FGFRL1: variants seen among roughly 807,000 people sequenced by gnomAD.
FGFRL1 encodes the protein fibroblast growth factor receptor like 1.
Under a neutral mutation model 36.8 loss-of-function variants are expected in FGFRL1, and 24 were observed. That is an observed-to-expected ratio of 0.65 (90% CI 0.47 to 0.92). The LOEUF (loss-of-function observed/expected upper bound fraction) is 0.92, where lower values mean the gene tolerates loss of function less well. Among genes scored for constraint, FGFRL1 ranks in the 40% least tolerant of loss-of-function variants. The probability of loss-of-function intolerance (pLI) is 0.00; values close to 1 mark genes in which losing one functional copy is unlikely to be tolerated. For missense variants in FGFRL1, 785 were observed against 753.4 expected (o/e 1.04, Z -0.49); for synonymous variants, 422 against 344.1 (o/e 1.23, Z -2.50).
chr4:1,011,319 C>T (rs887362804), upstream of FGFRL1: 47 of 150,052 alleles, frequency 3.1e-4, no homozygotes, highest in Non-Finnish European at 5.8e-4. Flanking sequence ...CGCGGCGGCT[C>T]CTGGCCGGTC....
chr4:1,023,571 C>G lies in FGFRL1; in HGVS notation c.353-70C>G. On this transcript the variant is annotated intron_variant, in intron 3 of 6. Transcript: ENST00000510644. The surrounding 1 kb of genome is among the most constrained non-coding windows in gnomAD (Gnocchi z 6.0). ...CTGGGGCTGGGGGAGCTAGAGGCCA[C>G]GGGGGAGTTGGGGGAGCTCCTCAGG... 7.0e-7 allele frequency: 1 copy of G among 1,430,614 alleles called. No individual in the cohort carries two copies. Among genetic ancestry groups the G allele is most frequent in the Non-Finnish European group, 9.6e-7 (1 of 1,039,570 alleles). The allele number at this position is 1,430,614 out of a possible 1,614,324, so 88.6% of individuals were successfully genotyped here.
In FGFRL1 at chr4:1,025,693, T is replaced by TACACACGC; in HGVS notation, c.*351_*358dup. The stretch of plus-strand genomic sequence containing the variant: ...CATACAAGGACATGCTGCCTGAACA[T>TACACACGC]ACACACGCACACCCATGCGCAGATG... On this transcript the variant is annotated 3_prime_UTR_variant, in exon 7 of 7. Transcript: ENST00000510644. 2.6e-6 allele frequency: 1 copy of TACACACGC among 384,430 alleles called. No individual in the cohort carries two copies. The highest frequency in any genetic ancestry group is 4.8e-6 in the Non-Finnish European group (1 of 208,608). 23.8% of individuals were successfully genotyped at this position (384,430 alleles called of 1,614,324 possible).
rs1231384223 is a variant in FGFRL1, at chr4:1,026,361, T to C, written c.*1014T>C. On this transcript the variant is annotated 3_prime_UTR_variant, in exon 7 of 7. Transcript: ENST00000510644. ...TGTGCCGTGAAGCCTGCAGTACGTGTGCCGTGAGGCTCATAGTTGATGAGG... is the reference window on the plus strand; with the variant it reads ...TGTGCCGTGAAGCCTGCAGTACGTGCGCCGTGAGGCTCATAGTTGATGAGG... The C allele has an allele frequency of 6.8e-6, 1 of 145,990 alleles. No individual in the cohort carries two copies. The highest frequency in any genetic ancestry group is 2.5e-5 in the African/African-American group (1 of 40,144). 9.0% of individuals were successfully genotyped at this position (145,990 alleles called of 1,614,324 possible).
At position 1,026,760 on chromosome 4, in the gene FGFRL1, ACCCCGTCCAGGCCAGACACCACC is replaced by A. The variant is rs750774797; in HGVS notation, c.*1418_*1440del. On this transcript the variant is annotated 3_prime_UTR_variant, in exon 7 of 7. Coordinates refer to ENST00000510644, the MANE Select transcript of FGFRL1 (RefSeq NM_001004356.3). The stretch of plus-strand genomic sequence containing the variant: ...GTCTTTCAGCCATGCTGATGACCAC[ACCCCGTCCAGGCCAGACACCACC>A]CCCCACCCCACTGTCGTGGTGGCCC... 6 of 442,438 alleles carry A rather than the reference ACCCCGTCCAGGCCAGACACCACC, an allele frequency of 1.4e-5. No individual in the cohort carries two copies. The highest frequency in any genetic ancestry group is 9.7e-5 in the South Asian group (6 of 62,016). 27.4% of individuals were successfully genotyped at this position (442,438 alleles called of 1,614,324 possible).
Position 1,025,180 on chromosome 4 carries a change from C to T in FGFRL1, c.1348C>T (p.His450Tyr), listed in dbSNP as rs756840934. 26 of 1,610,324 alleles carry T rather than the reference C, an allele frequency of 1.6e-5. No homozygotes were observed. In the South Asian group the frequency reaches 2.6e-4, roughly 16 times the overall value. ...CCCTGGTGTGGGGCTGTGTGAGGAG[C>T]ATGGGTCTCCGGCAGCCCCCCAGCA... ...AGPGVGLCEE[H>Y]GSPAAPQHLL... Residue 450 changes from histidine to tyrosine, a missense_variant, in exon 7 of 7, where the codon CAT (histidine) becomes TAT (tyrosine). Transcript: ENST00000510644.
In FGFRL1 at chr4:1,022,326, G is replaced by T. The variant is rs769847502; in HGVS notation, c.203G>T (p.Arg68Leu). ...PPLTMWTKDG[R>L]TIHSGWSRFR... The stretch of plus-strand genomic sequence containing the variant: ...CTGACCATGTGGACCAAGGATGGCC[G>T]CACCATCCACAGCGGCTGGAGCCGC... Residue 68 changes from arginine (R) to leucine (L), a missense_variant, in exon 3 of 7, where the codon CGC becomes CTC. Arg to Leu is a moderately radical substitution (Grantham distance 102). Coordinates refer to ENST00000510644, the MANE Select transcript of FGFRL1 (RefSeq NM_001004356.3). The T allele has an allele frequency of 6.2e-7, 1 of 1,600,624 alleles. No individual in the cohort carries two copies. The highest frequency in any genetic ancestry group is 8.5e-7 in the Non-Finnish European group (1 of 1,174,680).
intron 3 of FGFRL1, 110 bp downstream of exon 3, chr4:1,022,585 C>T: frequency 7.2e-7 from 1 of 1,382,084 alleles, no homozygotes; most frequent in East Asian, 2.5e-5. Flanking sequence ...CAGCCCCCGG[C>T]AGAAAGCCTT....
rs537594500 is a variant in FGFRL1, at chr4:1,017,834, A to G, written c.80-4369A>G. On this transcript the variant is annotated intron_variant, in intron 2 of 6. Coordinates refer to ENST00000510644, the MANE Select transcript of FGFRL1 (RefSeq NM_001004356.3). ...GAGGAGCCACCTGGCCACAGGAGGG[A>G]AGCCGGGCAGCCCCAGCCCTGCATC... Among the ~76,000 whole-genome samples, 139 of 152,206 alleles carry G rather than the reference A, an allele frequency of 9.1e-4. 1 individual carries two copies. The highest frequency in any genetic ancestry group is 3.2e-3 in the African/African-American group (132 of 41,520).
chr4:1,013,858 C>T (rs1451747956), intron 2 of FGFRL1, among the ~76,000 whole-genome samples: 1 of 152,294 alleles, frequency 6.6e-6, no homozygotes. Flanking sequence ...AGCGGCCACC[C>T]CCTTCGCCTT....
At position 1,023,897 on chromosome 4, in the gene FGFRL1, T is replaced by C; in HGVS notation, c.514T>C (p.Cys172Arg). 1.3e-6 allele frequency: 2 copies of C among 1,579,556 alleles called. No homozygotes were observed. The highest frequency in any genetic ancestry group is 2.3e-5 in the South Asian group (2 of 87,402). ...RPVGSSVRLK[C>R]VASGHPRPDI... ...CGTGGGTAGCTCCGTGCGGCTCAAG[T>C]GCGTGGCCAGCGGGCACCCTCGGCC... Residue 172 changes from cysteine (C) to arginine (R), a missense_variant, in exon 5 of 7, where the codon TGC (cysteine) becomes CGC (arginine). Cys to Arg is a radical substitution (Grantham distance 180). Transcript: ENST00000510644. The surrounding 1 kb of genome is among the most constrained non-coding windows in gnomAD (Gnocchi z 6.0).
chr4:1,014,515 G>A (rs945783422), intron 2 of FGFRL1, among the ~76,000 whole-genome samples: 4 of 152,350 alleles, frequency 2.6e-5, no homozygotes, highest in East Asian at 1.9e-4. Context: ...GGCCAGCTGC[G>A]GTGGGCAAGC....
At chr4:1,017,814 GC>G (rs1339328015) in intron 2 of FGFRL1, among the ~76,000 whole-genome samples, 1 of 152,152 alleles carries the variant, frequency 6.6e-6, no homozygotes, top group Admixed American at 6.5e-5. Context: ...ATGGGGAGGA[GC>G]CACCTGGCCA....
intron 1 of FGFRL1, 65 bp from the exon 2 acceptor site, chr4:1,012,405 C>T (rs1024608403): frequency 3.0e-5 from 47 of 1,552,104 alleles, no homozygotes; most frequent in Non-Finnish European, 3.9e-5. Context: ...CCCCGCGGCC[C>T]GGGACCGGGG....
intron 2 of FGFRL1, among the ~76,000 whole-genome samples, chr4:1,019,240 C>T (rs77145216): frequency 0.034 from 5,198 of 152,284 alleles, 139 homozygotes; most frequent in East Asian, 0.12. Context: ...GGCTCCCTCC[C>T]CAGATGTGGG....
intron 2 of FGFRL1, among the ~76,000 whole-genome samples, chr4:1,014,359 G>A (rs1715772987): frequency 6.6e-6 from 1 of 152,076 alleles, no homozygotes; most frequent in African/African-American, 2.4e-5. Flanking sequence ...GAGAGGTTCT[G>A]CATGAAATGT....
At position 1,022,366 on chromosome 4, in the gene FGFRL1, G is replaced by T. The variant is rs1264450730; in HGVS notation, c.243G>T (p.Pro81=). The change falls in exon 3 of 7, where the codon CCG becomes CCT. Residue 81 remains proline (P), a synonymous_variant. Coordinates refer to ENST00000510644, the MANE Select transcript of FGFRL1 (RefSeq NM_001004356.3). ...HSGWSRFRVL[P]QGLKVKQVER... ...GCTGGAGCCGCTTCCGCGTGCTGCC[G>T]CAGGGGCTGAAGGTGAAGCAGGTGG... The T allele has an allele frequency of 2.5e-6, 4 of 1,609,448 alleles. No homozygotes were observed. The highest frequency in any genetic ancestry group is 1.7e-4 in the Middle Eastern group (1 of 6,018).
In FGFRL1 at chr4:1,023,459, C is replaced by T. The variant is rs1716306369; in HGVS notation, c.353-182C>T. Among the ~76,000 whole-genome samples, 1 of 152,190 alleles carries T rather than the reference C, an allele frequency of 6.6e-6. No individual in the cohort carries two copies. Among genetic ancestry groups the T allele is most frequent in the Admixed American group, 6.5e-5 (1 of 15,292 alleles). On this transcript the variant is annotated intron_variant, in intron 3 of 6. Transcript: ENST00000510644. This position sits in a 1 kb window ranked among gnomAD's most constrained non-coding sequence, Gnocchi z 6.0. The stretch of plus-strand genomic sequence containing the variant: ...CAGGGTCACCTGCGCCCAGTGTGGG[C>T]CAGCGGCCCTTGCCCAGCTGTCCCT...
rs769346621 is a variant in FGFRL1 at position 1,024,450 on chromosome 4, C to T, written c.858C>T (p.Tyr286=). 3.7e-5 allele frequency: 59 copies of T among 1,612,312 alleles called. No homozygotes were observed. Among genetic ancestry groups the T allele is most frequent in the Admixed American group, 8.3e-5 (5 of 59,986 alleles). ...PVIQWLKRVE[Y]GAEGRHNSTI... ...TCCAGTGGCTGAAGCGCGTGGAGTA[C>T]GGCGCCGAGGGCCGCCACAACTCCA... Residue 286 remains tyrosine (Y), a synonymous_variant, in exon 6 of 7, where the codon TAC becomes TAT. Transcript: ENST00000510644.
chr4:1,022,133 C>G, intron 2 of FGFRL1, 70 bp from the exon 3 acceptor site: 3 of 1,264,420 alleles, frequency 2.4e-6, no homozygotes, highest in Non-Finnish European at 3.2e-6. Flanking sequence ...CGTGGGTCCC[C>G]TTTTGACCGC....
Sources: allele counts gnomAD v4.1 joint callset (sites outside exome capture counted in the v4.1 genomes callset), GRCh38; gene constraint gnomAD v4.1.1; non-coding constraint Gnocchi (gnomAD v3.1); transcripts MANE v1.5; gene names NCBI Gene and HGNC (gene_info 2026-07-23, HGNC 2026-07-21).